Variants in PCID2 observed in about 807,000 individuals in gnomAD.
PCID2 encodes PCI domain containing 2.
In PCID2, 41 loss-of-function variants were observed where a neutral mutation model predicts 61.3. The observed-to-expected ratio is 0.67, with a 90% confidence interval of 0.52 to 0.87. PCID2 has a LOEUF of 0.87. PCID2 is among the 40% of genes least tolerant of loss of function. The pLI, the probability that PCID2 is intolerant of heterozygous loss-of-function variation, is 0.00. For synonymous variants in PCID2, 187 were observed against 177.8 expected (o/e 1.05, Z -0.41); for missense variants, 392 against 493.4 (o/e 0.79, Z 1.95).
the PCID2 span, chr13:113,172,427 T>G: frequency 2.7e-6 from 1 of 376,976 alleles, no homozygotes. Flanking sequence ...AAGTCCAGTG[T>G]TCCCTGTGCT....
rs72663601 is a variant in PCID2, at chr13:113,181,864, G to A, written c.686-634C>T. Among the ~76,000 whole-genome samples the A allele has an allele frequency of 4.3e-3, 647 of 152,224 alleles. 1 individual carries two copies. The highest frequency in any genetic ancestry group is 0.01 in the Middle Eastern group (3 of 294). ...TCAAGATTAATCCCACAAACTGCAC[G>A]ACAGGCCTGCAAAGAGTTCAGCACA... On this transcript the variant is annotated intron_variant, in intron 9 of 13. Transcript: ENST00000337344.
rs898344405 is a variant in PCID2, at chr13:113,208,230, G to C, written c.36+369C>G. ...TCCTGCTGGGAAACAGCGTCCATCC[G>C]ACACAGCACCGCCCACAGCGGGCCC... On this transcript the variant is annotated intron_variant, in intron 1 of 13. Coordinates refer to ENST00000337344, the MANE Select transcript of PCID2 (RefSeq NM_001127202.4). 1.1e-5 allele frequency: 16 copies of C among 1,494,028 alleles called. No homozygotes were observed. The South Asian group carries it at 1.9e-4, about 18-fold the overall frequency. 92.5% of individuals were successfully genotyped at this position (1,494,028 alleles called of 1,614,324 possible). A position where few individuals can be genotyped will look rare whatever the true frequency, so the allele number is the denominator to read the frequency against.
At chr13:113,169,593 A>G in the PCID2 span, among the ~76,000 whole-genome samples, 1 of 152,186 alleles carries the variant, frequency 6.6e-6, no homozygotes, top group Non-Finnish European at 1.5e-5. Context: ...CCTTTGGCAC[A>G]TTGCTCTTAA....
At chr13:113,207,729 A>C (rs944891973) in intron 1 of PCID2, among the ~76,000 whole-genome samples, 2 of 152,204 alleles carry the variant, frequency 1.3e-5, no homozygotes, top group Non-Finnish European at 2.9e-5. Context: ...GTCAACAGAC[A>C]CCTCAAACTC....
chr13:113,201,839 A>G (rs531017719), intron 1 of PCID2, among the ~76,000 whole-genome samples: 71 of 151,428 alleles, frequency 4.7e-4, no homozygotes, highest in Admixed American at 9.9e-4. Context: ...AAAAAAGGAC[A>G]TAAAAATTCT....
At chr13:113,198,286 A>T (rs199647633) in intron 2 of PCID2, 22 bp from the exon 3 acceptor site, 4 of 1,482,740 alleles carry the variant, frequency 2.7e-6, no homozygotes, top group Middle Eastern at 3.5e-4. Context: ...AAAGAAAAAT[A>T]GCAAAAGTAA....
downstream of PCID2, among the ~76,000 whole-genome samples, chr13:113,174,024 C>T (rs1211168652): frequency 4.0e-5 from 6 of 151,122 alleles, no homozygotes; most frequent in Non-Finnish European, 7.4e-5. Flanking sequence ...GTCAGGAGTT[C>T]GAGACCAGCC....
At chr13:113,208,308 C>A (rs2040095638) in intron 1 of PCID2, 1 of 1,432,026 alleles carries the variant, frequency 7.0e-7, no homozygotes. Context: ...CCACACGTGC[C>A]AGCAAGTGAG....
intron 13 of PCID2, 190 bp from the exon 14 acceptor site, chr13:113,178,477 A>C (rs2037309449): frequency 1.9e-6 from 1 of 515,362 alleles, no homozygotes; most frequent in Admixed American, 3.3e-5. Context: ...CATATCCATG[A>C]ATCTAACCAA....
chr13:113,204,545 A>G (rs1484345448), intron 1 of PCID2, among the ~76,000 whole-genome samples: 1 of 152,082 alleles, frequency 6.6e-6, no homozygotes, highest in Non-Finnish European at 1.5e-5. Flanking sequence ...ATGTCGCCAC[A>G]TCCTGGGCTC....
intron 2 of PCID2, among the ~76,000 whole-genome samples, chr13:113,199,393 C>A (rs1266843133): frequency 6.6e-6 from 1 of 152,198 alleles, no homozygotes; most frequent in African/African-American, 2.4e-5. Context: ...AGAACCCAGA[C>A]TAACACACAA....
chr13:113,177,997 G>A lies in PCID2; in HGVS notation c.*201C>T. The A allele has an allele frequency of 4.5e-6, 2 of 444,504 alleles. No individual in the cohort carries two copies. The highest frequency in any genetic ancestry group is 8.1e-6 in the Non-Finnish European group (2 of 245,544). 27.5% of individuals were successfully genotyped at this position (444,504 alleles called of 1,614,324 possible). A position where few individuals can be genotyped will look rare whatever the true frequency, so the allele number is the denominator to read the frequency against. ...CGAGTCTGTGAAAAAGGAATTCCAG[G>A]TTTTCATCAGGCTGAAATTAGTTAC... On this transcript the variant is annotated 3_prime_UTR_variant, in exon 14 of 14. Transcript: ENST00000337344.
At chr13:113,171,280 T>C in the PCID2 span, among the ~76,000 whole-genome samples, 3 of 152,246 alleles carry the variant, frequency 2.0e-5, no homozygotes, top group Admixed American at 6.5e-5. This position sits in a 1 kb window ranked among gnomAD's most constrained non-coding sequence, Gnocchi z 5.1. Flanking sequence ...CAGCCAATGT[T>C]TGACTGGCCT....
In PCID2 at chr13:113,185,517, G is replaced by T; in HGVS notation, c.511C>A (p.Leu171Met). 1 of 1,613,288 alleles carries T rather than the reference G, an allele frequency of 6.2e-7. No homozygotes were observed. Among genetic ancestry groups the T allele is most frequent in the South Asian group, 1.1e-5 (1 of 91,056 alleles). Residue 171 changes from leucine (L) to methionine (M), a missense_variant, in exon 8 of 14, where the codon CTG becomes ATG. By Grantham distance (15) the Leu-to-Met change is conservative. Transcript: ENST00000337344. Reference protein sequence around the residue: ...EDSKKWGMLFLVNQLFKIYFK... With the variant: ...EDSKKWGMLFMVNQLFKIYFK... ...TAGATTTTAAACAGCTGGTTCACCA[G>T]AAACAGCATGCCCCACTTCTTAGAG...
intron 5 of PCID2, 122 bp downstream of exon 5, chr13:113,196,059 C>A: frequency 1.4e-6 from 1 of 717,808 alleles, no homozygotes; most frequent in Non-Finnish European, 2.5e-6. Flanking sequence ...CATATGTCAA[C>A]ACACTGATTA....
chr13:113,173,853 A>G (rs940338514), downstream of PCID2, among the ~76,000 whole-genome samples: 1 of 152,182 alleles, frequency 6.6e-6, no homozygotes, highest in African/African-American at 2.4e-5. Flanking sequence ...CTTTCTGTAC[A>G]TAATGCTGCA....
At chr13:113,174,570 T>C (rs552636316), downstream of PCID2, among the ~76,000 whole-genome samples, 19 of 152,294 alleles carry the variant, frequency 1.2e-4, no homozygotes, top group East Asian at 3.1e-3. Flanking sequence ...TCCTAGCTCA[T>C]AGTGGGCTCA....
rs761811892 is a variant in PCID2 at position 113,179,051 on chromosome 13, G to C, written c.1025C>G (p.Ala342Gly). ...CATGAACTTCAAGGCAACCAGAAAA[G>C]CATCCAGAGACAGCTGGTGTGTTTT... is the stretch of plus-strand genomic sequence containing the variant. ...LLKTHQLSLD[A>G]FLVALKFMQV... The change falls in exon 13 of 14, where the codon GCT (alanine) becomes GGT (glycine). Residue 342 changes from alanine to glycine, a missense_variant. Transcript: ENST00000337344. This position sits in a 1 kb window ranked among gnomAD's most constrained non-coding sequence, Gnocchi z 4.3. 2 of 1,613,812 alleles carry C rather than the reference G, an allele frequency of 1.2e-6. No individual in the cohort carries two copies. The highest frequency in any genetic ancestry group is 1.7e-6 in the Non-Finnish European group (2 of 1,179,710).
At chr13:113,165,244 T>G in the PCID2 span, 23 of 927,646 alleles carry the variant, frequency 2.5e-5, no homozygotes, top group South Asian at 4.2e-5. Context: ...GGCTACTGAC[T>G]GCACTGACCA....
Sources: gnomAD v4.1 joint callset for allele counts (sites outside exome capture counted in the v4.1 genomes callset) on GRCh38, gnomAD v4.1.1 for gene constraint, Gnocchi (gnomAD v3.1) non-coding constraint, MANE v1.5 for transcripts, NCBI Gene and HGNC (gene_info 2026-07-23, HGNC 2026-07-21) for gene names.